The following DLGAP1 variants were observed in gnomAD, a reference collection of about 807,000 sequenced individuals.
DLGAP1 encodes disks large-associated protein 1.
Under a neutral mutation model 90.8 loss-of-function variants are expected in DLGAP1, and 11 were observed. The ratio of observed to expected loss-of-function variants is 0.12; its 90% CI spans 0.08 to 0.20. The LOEUF is 0.20. Ranked by LOEUF, DLGAP1 falls within the 10% of genes least tolerant of loss-of-function variation. DLGAP1 has a pLI of 1.00. For missense variants in DLGAP1, 1,050 were observed against 1,333.8 expected (o/e 0.79, Z 3.31); for synonymous variants, 558 against 540.7 (o/e 1.03, Z -0.44).
At chr18:4,390,293 A>G (rs1307386205) in intron 1 of DLGAP1, among the ~76,000 whole-genome samples, 3 of 152,222 alleles carry the variant, frequency 2.0e-5, no homozygotes, top group African/African-American at 7.2e-5. Flanking sequence ...CTGTCCCCAC[A>G]TGTTCACAAC....
At chr18:4,173,897 T>C in intron 1 of DLGAP1, among the ~76,000 whole-genome samples, 1 of 152,176 alleles carries the variant, frequency 6.6e-6, no homozygotes, top group East Asian at 1.9e-4. Flanking sequence ...CCACTCATGG[T>C]TTCTACCTGG....
chr18:3,889,068 G>T (rs1341637551), intron 3 of DLGAP1, among the ~76,000 whole-genome samples: 1 of 152,010 alleles, frequency 6.6e-6, no homozygotes, highest in African/African-American at 2.4e-5. Context: ...ACAATTGATG[G>T]GGGTAGAATA....
chr18:3,722,215 C>T (rs771367119), intron 7 of DLGAP1: 1 of 152,116 alleles, frequency 6.6e-6, no homozygotes, highest in African/African-American at 2.4e-5. Context: ...TGAGGCATAG[C>T]CCCTCAAGGT....
At chr18:3,713,458 C>T (rs1437947004) in intron 7 of DLGAP1, among the ~76,000 whole-genome samples, 1 of 152,122 alleles carries the variant, frequency 6.6e-6, no homozygotes, top group Non-Finnish European at 1.5e-5. Context: ...GTGGGGGAGG[C>T]TTCAGTCTAA....
At chr18:3,747,356 A>T (rs1430210099) in intron 5 of DLGAP1, among the ~76,000 whole-genome samples, 1 of 152,184 alleles carries the variant, frequency 6.6e-6, no homozygotes, top group Non-Finnish European at 1.5e-5. Flanking sequence ...CCAATGCCAA[A>T]AATTTCAACC....
At chr18:3,759,628 G>C (rs947621107) in intron 5 of DLGAP1, among the ~76,000 whole-genome samples, 9 of 152,186 alleles carry the variant, frequency 5.9e-5, no homozygotes, top group Non-Finnish European at 1.2e-4. Flanking sequence ...GCTTATGCTG[G>C]ATGTCATGGA....
At chr18:3,586,416 G>A (rs1052980222) in intron 7 of DLGAP1, among the ~76,000 whole-genome samples, 3 of 152,102 alleles carry the variant, frequency 2.0e-5, no homozygotes, top group African/African-American at 7.2e-5. Context: ...TCGTTATTAT[G>A]AGGCTTCACT....
At chr18:3,691,378 C>T (rs2060890654) in intron 7 of DLGAP1, among the ~76,000 whole-genome samples, 1 of 150,284 alleles carries the variant, frequency 6.7e-6, no homozygotes, top group Non-Finnish European at 1.5e-5. Flanking sequence ...CAGTGAGCTA[C>T]ATCGCGCCAC....
At chr18:3,801,352 C>T (rs1009059840) in intron 5 of DLGAP1, among the ~76,000 whole-genome samples, 6 of 152,212 alleles carry the variant, frequency 3.9e-5, no homozygotes, top group Non-Finnish European at 7.3e-5. Context: ...CAGCCCTTTC[C>T]GGTACCATCC....
intron 5 of DLGAP1, among the ~76,000 whole-genome samples, chr18:3,790,114 G>A (rs889523021): frequency 2.1e-4 from 32 of 152,052 alleles, no homozygotes; most frequent in African/African-American, 7.2e-4. Context: ...GTGGAAAATT[G>A]TAAAATTCTC....
rs71368704 is a variant in DLGAP1 at position 3,705,982 on chromosome 18, A to ATT, written c.1591+23151_1591+23152dup. Among the ~76,000 whole-genome samples the ATT allele has an allele frequency of 9.2e-3, 1,173 of 127,266 alleles. 45 individuals are homozygous for ATT. The highest frequency in any genetic ancestry group is 0.031 in the African/African-American group (1,037 of 33,796). The allele number at this position is 127,266 out of a possible 152,430, so 83.5% of individuals were successfully genotyped here. ...CCCCCAGTATAATTATTAATGGTGC[A>ATT]TTTTTTTTTTTTTTTGAGATGGAAT... On this transcript the variant is annotated intron_variant, in intron 7 of 12. Transcript: ENST00000315677.
chr18:3,627,311 T>C (rs1054412277), intron 7 of DLGAP1, among the ~76,000 whole-genome samples: 3 of 152,196 alleles, frequency 2.0e-5, no homozygotes, highest in Non-Finnish European at 4.4e-5. Context: ...GAAGAACAGA[T>C]TGCAGAAGTT....
chr18:4,204,513 T>TTTTTTTTG (rs534609748), intron 1 of DLGAP1, among the ~76,000 whole-genome samples: 3 of 151,632 alleles, frequency 2.0e-5, no homozygotes, highest in African/African-American at 7.3e-5. Flanking sequence ...TTGTGGTTTT[T>TTTTTTTTG]TTTTTGTTTT....
At chr18:4,217,614 AATATAT>A (rs143147685) in intron 1 of DLGAP1, among the ~76,000 whole-genome samples, 1 of 150,672 alleles carries the variant, frequency 6.6e-6, no homozygotes, top group African/African-American at 2.4e-5. Context: ...ACACGCACAT[AATATAT>A]ATATATATGT....
At chr18:4,163,194 T>C (rs950411943) in intron 1 of DLGAP1, among the ~76,000 whole-genome samples, 1 of 152,226 alleles carries the variant, frequency 6.6e-6, no homozygotes, top group African/African-American at 2.4e-5. Context: ...TTGCTGGACA[T>C]ATATCTTCTA....
intron 1 of DLGAP1, among the ~76,000 whole-genome samples, chr18:4,299,733 T>C (rs2080078611): frequency 1.3e-5 from 2 of 152,168 alleles, no homozygotes; most frequent in African/African-American, 4.8e-5. Context: ...GAAGGTTACC[T>C]TAGGACAATA....
intron 7 of DLGAP1, among the ~76,000 whole-genome samples, chr18:3,595,428 A>T (rs2056524181): frequency 6.6e-6 from 1 of 152,138 alleles, no homozygotes. Context: ...CCATATGTAA[A>T]TCCAGTTGTT....
intron 2 of DLGAP1, among the ~76,000 whole-genome samples, chr18:4,142,625 A>G (rs2076513777): frequency 6.6e-6 from 1 of 152,224 alleles, no homozygotes. Context: ...TAGAACGGCA[A>G]AATAGTTAAG....
chr18:4,292,862 A>G (rs1290548149), intron 1 of DLGAP1, among the ~76,000 whole-genome samples: 1 of 152,202 alleles, frequency 6.6e-6, no homozygotes, highest in Non-Finnish European at 1.5e-5. Context: ...CAAAATCAGT[A>G]TGTGATTGAT....
Sources: allele counts gnomAD v4.1 joint callset (sites outside exome capture counted in the v4.1 genomes callset), GRCh38; gene constraint gnomAD v4.1.1; transcripts MANE v1.5; gene names NCBI Gene and HGNC (gene_info 2026-07-23, HGNC 2026-07-21).